The following INSR variants were observed in gnomAD, a reference collection of about 807,000 sequenced individuals.
INSR encodes the protein IR.
INSR carries 67 observed loss-of-function variants against 142.6 expected under a neutral mutation model. The ratio of observed to expected loss-of-function variants is 0.47; its 90% CI spans 0.39 to 0.58. The LOEUF is 0.58. INSR is among the 20% of genes least tolerant of loss of function. The pLI is 0.00. For missense variants in INSR, 1,248 were observed against 1,833.2 expected (o/e 0.68, Z 5.83); for synonymous variants, 756 against 743.1 (o/e 1.02, Z -0.28).
At chr19:7,160,271 C>G (rs1385804624) in intron 9 of INSR, among the ~76,000 whole-genome samples, 1 of 152,100 alleles carries the variant, frequency 6.6e-6, no homozygotes, top group African/African-American at 2.4e-5. Context: ...TCTTCTGCCT[C>G]AGCCTCCTGA....
intron 3 of INSR, among the ~76,000 whole-genome samples, chr19:7,181,784 G>T (rs1568468716): frequency 2.0e-5 from 3 of 150,892 alleles, no homozygotes; most frequent in Admixed American, 1.3e-4. Flanking sequence ...TTTCACCGTG[G>T]TGGCCAGGCT....
At chr19:7,177,460 C>G (rs911917574) in intron 3 of INSR, among the ~76,000 whole-genome samples, 1 of 152,106 alleles carries the variant, frequency 6.6e-6, no homozygotes, top group South Asian at 2.1e-4. Flanking sequence ...ACTCCCTGAA[C>G]TTTTTGGTTA....
At chr19:7,152,378 CAA>C (rs375635473) in intron 10 of INSR, 52,967 of 287,446 alleles carry the variant, frequency 0.18, 4,686 homozygotes, top group East Asian at 0.48. Context: ...GAGACTCTGT[CAA>C]AAAAAAAAAA....
At chr19:7,128,745 T>C (rs368382598) in intron 15 of INSR, 107 bp downstream of exon 15, 1 of 760,260 alleles carries the variant, frequency 1.3e-6, no homozygotes, top group Non-Finnish European at 2.4e-6. Flanking sequence ...ACATCCTATA[T>C]CAGCAAAATT....
chr19:7,285,303 C>G (rs1376542537), intron 1 of INSR, among the ~76,000 whole-genome samples: 1 of 151,858 alleles, frequency 6.6e-6, no homozygotes, highest in Non-Finnish European at 1.5e-5. Flanking sequence ...ATAAAAAAAA[C>G]TAGCCGGGCA....
chr19:7,178,188 T>C lies in INSR; in HGVS notation c.975-3457A>G, dbSNP rs191403598. Among the ~76,000 whole-genome samples, 235 of 146,232 alleles carry C rather than the reference T, an allele frequency of 1.6e-3. 3 individuals are homozygous for C. The highest frequency in any genetic ancestry group is 0.016 in the Admixed American group (223 of 14,234). On this transcript the variant is annotated intron_variant, in intron 3 of 21. Transcript: ENST00000302850. ...CAGAGCTTCAAAAACCCTTGGAACT[T>C]TCTGAGTCACAGGAATGCTTTTGTT...
intron 9 of INSR, 71 bp from the exon 10 acceptor site, chr19:7,152,998 C>T: frequency 1.4e-6 from 1 of 730,384 alleles, no homozygotes; most frequent in South Asian, 1.6e-5. Context: ...CACACACACC[C>T]CACACACACA....
intron 2 of INSR, among the ~76,000 whole-genome samples, chr19:7,187,881 T>A (rs539165701): frequency 6.6e-6 from 1 of 152,130 alleles, no homozygotes; most frequent in Admixed American, 6.5e-5. Context: ...ACAATTCCAA[T>A]GTTTACTAGC....
At chr19:7,229,028 T>C (rs1258449689) in intron 2 of INSR, among the ~76,000 whole-genome samples, 1 of 147,234 alleles carries the variant, frequency 6.8e-6, no homozygotes, top group African/African-American at 2.5e-5. Flanking sequence ...GGTGGATGGA[T>C]GGATGAATGG....
intron 1 of INSR, among the ~76,000 whole-genome samples, chr19:7,275,590 C>T (rs1015673662): frequency 6.6e-6 from 1 of 152,030 alleles, no homozygotes; most frequent in African/African-American, 2.4e-5. Flanking sequence ...TGAGATCAGC[C>T]TGGATAACAT....
intron 2 of INSR, among the ~76,000 whole-genome samples, chr19:7,207,206 G>A (rs1363709442): frequency 2.6e-5 from 4 of 151,164 alleles, no homozygotes; most frequent in Non-Finnish European, 4.4e-5. Flanking sequence ...ACCTGAGGTC[G>A]GGAGTTCGAG....
At chr19:7,208,897 A>G (rs1975194804) in intron 2 of INSR, among the ~76,000 whole-genome samples, 1 of 152,094 alleles carries the variant, frequency 6.6e-6, no homozygotes, top group African/African-American at 2.4e-5. Context: ...CAGCTACTCG[A>G]GAGGCAGAAG....
At chr19:7,223,954 T>A (rs1053187199) in intron 2 of INSR, among the ~76,000 whole-genome samples, 61 of 62,226 alleles carry the variant, frequency 9.8e-4, no homozygotes, top group East Asian at 2.6e-3. Context: ...AAAAAAATTT[T>A]TTTTTTTTTT....
intron 2 of INSR, among the ~76,000 whole-genome samples, chr19:7,231,582 T>C (rs1455462968): frequency 1.3e-5 from 2 of 152,108 alleles, no homozygotes; most frequent in Non-Finnish European, 2.9e-5. Context: ...ATTACAGACA[T>C]GAGCCACGGC....
intron 4 of INSR, among the ~76,000 whole-genome samples, chr19:7,172,648 T>C (rs1281191446): frequency 6.6e-6 from 1 of 152,172 alleles, no homozygotes; most frequent in East Asian, 1.9e-4. Context: ...GCTGCGTCTG[T>C]TGCTCAGAAT....
intron 2 of INSR, among the ~76,000 whole-genome samples, chr19:7,198,214 C>T (rs1234043561): frequency 1.3e-5 from 2 of 151,374 alleles, no homozygotes; most frequent in South Asian, 2.1e-4. Context: ...GCCGCAGCGC[C>T]GCCCTCGCGC....
rs1010372804 is a variant in INSR at position 7,225,076 on chromosome 19, G to A, written c.653-40439C>T. Among the ~76,000 whole-genome samples, 10 of 152,130 alleles carry A rather than the reference G, an allele frequency of 6.6e-5. No individual in the cohort carries two copies. Among genetic ancestry groups the A allele is most frequent in the Admixed American group, 5.9e-4 (9 of 15,268 alleles). ...GGGAGAGGGGAGGTTGTGGCCACAT[G>A]CTGTGTAACACTTAGAGTTTCCTAT... On this transcript the variant is annotated intron_variant, in intron 2 of 21. Coordinates refer to ENST00000302850, the MANE Select transcript of INSR (RefSeq NM_000208.4). This position sits in a 1 kb window ranked among gnomAD's most constrained non-coding sequence, Gnocchi z 4.7.
At chr19:7,141,300 C>A (rs1973064659) in intron 13 of INSR, among the ~76,000 whole-genome samples, 1 of 152,164 alleles carries the variant, frequency 6.6e-6, no homozygotes. Flanking sequence ...AGTGATCTGC[C>A]TGCCTCGGCC....
chr19:7,132,381 C>T (rs953542088), intron 13 of INSR, 64 bp from the exon 14 acceptor site: 2 of 1,563,150 alleles, frequency 1.3e-6, no homozygotes, highest in Non-Finnish European at 1.7e-6. Context: ...GTGTCCACCC[C>T]TCGCAGGGAG....
Sources: allele counts gnomAD v4.1 joint callset (sites outside exome capture counted in the v4.1 genomes callset), GRCh38; gene constraint gnomAD v4.1.1; non-coding constraint Gnocchi (gnomAD v3.1); transcripts MANE v1.5; gene names NCBI Gene and HGNC (gene_info 2026-07-23, HGNC 2026-07-21).